NCOR1: variants seen among roughly 807,000 people sequenced by gnomAD.
The protein encoded by NCOR1 is protein phosphatase 1, regulatory subunit 109.
In NCOR1, 63 loss-of-function variants were observed where a neutral mutation model predicts 288.1. The ratio of observed to expected loss-of-function variants is 0.22; its 90% CI spans 0.18 to 0.27. The LOEUF (loss-of-function observed/expected upper bound fraction) is 0.27, where lower values mean the gene tolerates loss of function less well. NCOR1 is among the 10% of genes least tolerant of loss of function. NCOR1 has a pLI of 1.00. For synonymous variants in NCOR1, 1,007 were observed against 1,065.9 expected (o/e 0.94, Z 1.08); for missense variants, 2,397 against 3,019.2 (o/e 0.79, Z 4.83).
intron 3 of NCOR1, among the ~76,000 whole-genome samples, chr17:16,174,256 C>T (rs1304860894): frequency 1.3e-5 from 2 of 152,068 alleles, no homozygotes; most frequent in Non-Finnish European, 2.9e-5. Context: ...TGGAAAAGAA[C>T]AAAGTTGGAA....
intron 3 of NCOR1, among the ~76,000 whole-genome samples, chr17:16,181,956 C>G (rs1287868158): frequency 6.6e-6 from 1 of 151,514 alleles, no homozygotes; most frequent in Non-Finnish European, 1.5e-5. Context: ...TTTTTCCAAA[C>G]CAAGTGGTTT....
intron 42 of NCOR1, chr17:16,044,967 T>C (rs2058413910): frequency 1.8e-6 from 1 of 557,706 alleles, no homozygotes; most frequent in South Asian, 1.9e-5. Flanking sequence ...ACTAAATTTC[T>C]TATAACGTGT....
intron 26 of NCOR1, among the ~76,000 whole-genome samples, chr17:16,076,675 C>A (rs1462438363): frequency 6.6e-6 from 1 of 152,214 alleles, no homozygotes; most frequent in Non-Finnish European, 1.5e-5. Flanking sequence ...CATTTCTCAA[C>A]TGGATCATGA....
chr17:16,212,281 G>GA (rs202140696), intron 1 of NCOR1, among the ~76,000 whole-genome samples: 61 of 144,516 alleles, frequency 4.2e-4, no homozygotes, highest in East Asian at 3.2e-3. Flanking sequence ...GAAAAAAAAA[G>GA]AAAAAAAAAA....
chr17:16,138,071 A>T, intron 13 of NCOR1, 87 bp downstream of exon 13: 1 of 1,037,372 alleles, frequency 9.6e-7, no homozygotes, highest in Non-Finnish European at 1.5e-6. Context: ...GGTTCTAGTT[A>T]ACTACTTATA....
chr17:16,141,844 G>A (rs2077203789), intron 11 of NCOR1, among the ~76,000 whole-genome samples: 2 of 152,200 alleles, frequency 1.3e-5, no homozygotes, highest in South Asian at 4.1e-4. Context: ...CACAGTTCCA[G>A]AGTCAGACTG....
Position 16,080,512 on chromosome 17 carries a change from G to A in NCOR1, c.3299-3C>T, listed in dbSNP as rs1172860683. ...CTGCTTGATGTAGGGCAAAGTAGCTGTGGAAAGGCAGAGAAACATGAAACA... is the reference window on the plus strand; with the variant it reads ...CTGCTTGATGTAGGGCAAAGTAGCTATGGAAAGGCAGAGAAACATGAAACA... On this transcript the variant is annotated splice_region_variant and splice_polypyrimidine_tract_variant and intron_variant, in intron 24 of 45. Transcript: ENST00000268712. 3 of 1,614,024 alleles carry A rather than the reference G, an allele frequency of 1.9e-6. No homozygotes were observed. The highest frequency in any genetic ancestry group is 1.7e-6 in the Non-Finnish European group (2 of 1,179,948).
chr17:16,100,063 C>T (rs1378484208), intron 20 of NCOR1, among the ~76,000 whole-genome samples: 1 of 151,876 alleles, frequency 6.6e-6, no homozygotes. Context: ...TAGCTTGTCT[C>T]TTTATTCTTA....
Position 16,131,771 on chromosome 17 carries a change from A to G in NCOR1, c.1509+5540T>C, listed in dbSNP as rs183986310. On this transcript the variant is annotated intron_variant, in intron 14 of 45. Transcript: ENST00000268712. ...TCCTGAAGAGTGAAAGCTGTCAATC[A>G]CCAAAAAACACACTGTGGCAATGGC... is the stretch of plus-strand genomic sequence containing the variant. 1.1e-4 allele frequency among the ~76,000 whole-genome samples: 17 copies of G among 152,346 alleles called. No homozygotes were observed. In the East Asian group the frequency reaches 3.3e-3, roughly 29 times the overall value.
At chr17:16,061,301 C>T (rs1157911201) in intron 37 of NCOR1, 100 bp downstream of exon 37, 5 of 1,394,782 alleles carry the variant, frequency 3.6e-6, no homozygotes, top group South Asian at 1.4e-5. Context: ...TACTATCAAC[C>T]GTTAGGATTT....
In NCOR1 at chr17:16,064,893, T is replaced by C. The variant is rs749303827; in HGVS notation, c.5078A>G (p.Tyr1693Cys). Residue 1693 changes from tyrosine (Y) to cysteine (C), a missense_variant, in exon 34 of 46, where the codon TAC becomes TGC. By Grantham distance (194) the Tyr-to-Cys change is radical. Around this residue, in one of 11 missense-constraint regions of NCOR1, gnomAD observed 1,872 missense variants for 2,187.8 expected, o/e 0.86. Coordinates refer to ENST00000268712, the MANE Select transcript of NCOR1 (RefSeq NM_006311.4). ...ACCTGGAGACATGGAAGCAGAGTTG[T>C]ACGGCCTGGGAGGGAAAGTAATCTG... The part of the protein sequence containing the change: ...GTQITFPPRP[Y>C]NSASMSPGHP... 1 of 1,612,984 alleles carries C rather than the reference T, an allele frequency of 6.2e-7. No individual in the cohort carries two copies. The highest frequency in any genetic ancestry group is 1.1e-5 in the South Asian group (1 of 90,918).
chr17:16,091,746 CA>C (rs2152906200), intron 22 of NCOR1, 116 bp downstream of exon 22: 2 of 1,546,938 alleles, frequency 1.3e-6, no homozygotes, highest in East Asian at 4.5e-5. Context: ...TCTGTTAGGA[CA>C]AATATAATAA....
At position 16,127,356 on chromosome 17, in the gene NCOR1, TGTATATATAC is replaced by T. The variant is rs2074517960; in HGVS notation, c.1510-1160_1510-1151del. On this transcript the variant is annotated intron_variant, in intron 14 of 45. Coordinates refer to ENST00000268712, the MANE Select transcript of NCOR1 (RefSeq NM_006311.4). ...ATATATACATGTATGTATATATGTA[TGTATATATAC>T]ATGTATGTATATATGTATGTATATA... 8.3e-5 allele frequency among the ~76,000 whole-genome samples: 12 copies of T among 144,170 alleles called. 4 individuals carry two copies. The highest frequency in any genetic ancestry group is 1.5e-4 in the African/African-American group (6 of 38,772). 94.6% of individuals were successfully genotyped at this position (144,170 alleles called of 152,430 possible).
chr17:16,124,957 G>A (rs1411509130), intron 15 of NCOR1, among the ~76,000 whole-genome samples: 1 of 152,140 alleles, frequency 6.6e-6, no homozygotes, highest in Non-Finnish European at 1.5e-5. Context: ...CATCCCTTCT[G>A]AAAAGTAATA....
chr17:16,080,327 C>T, intron 25 of NCOR1, 81 bp downstream of exon 25: 6 of 1,156,618 alleles, frequency 5.2e-6, no homozygotes, highest in Non-Finnish European at 7.2e-6. Flanking sequence ...AAAAGCCCAT[C>T]ATTAAAATAT....
At chr17:16,114,160 A>AAAAAAAAAAAAAAAAAC (rs2071033766) in intron 18 of NCOR1, among the ~76,000 whole-genome samples, 1 of 106,894 alleles carries the variant, frequency 9.4e-6, no homozygotes. Context: ...AAAAAAAAAA[A>AAAAAAAAAAAAAAAAAC]AAAAAAAAAC....
intron 6 of NCOR1, among the ~76,000 whole-genome samples, chr17:16,157,866 A>T (rs1441099557): frequency 6.6e-6 from 1 of 152,204 alleles, no homozygotes; most frequent in African/African-American, 2.4e-5. Context: ...AATGATTCAT[A>T]GAATTCATGC....
chr17:16,172,923 G>C (rs551381633), intron 3 of NCOR1, among the ~76,000 whole-genome samples: 1 of 149,574 alleles, frequency 6.7e-6, no homozygotes, highest in South Asian at 2.1e-4. Context: ...ATTGAGGACA[G>C]ACAATGAAAT....
chr17:16,068,665 T>C (rs942221163), intron 31 of NCOR1, among the ~76,000 whole-genome samples: 5 of 152,160 alleles, frequency 3.3e-5, no homozygotes, highest in South Asian at 2.1e-4. Flanking sequence ...GATGGTCAGA[T>C]TGTCCCACCA....
Sources: allele counts gnomAD v4.1 joint callset (sites outside exome capture counted in the v4.1 genomes callset), GRCh38; gene constraint gnomAD v4.1.1; regional missense constraint gnomAD v4.1.1; transcripts MANE v1.5; gene names NCBI Gene and HGNC (gene_info 2026-07-23, HGNC 2026-07-21).